Variants in GRIP1 observed in about 807,000 individuals in gnomAD.
GRIP1 encodes the protein glutamate receptor-interacting protein 1.
In GRIP1, 45 loss-of-function variants were observed where a neutral mutation model predicts 129.9. The ratio of observed to expected loss-of-function variants is 0.35; its 90% CI spans 0.27 to 0.44. GRIP1 has a LOEUF of 0.44. Ranked by LOEUF, GRIP1 falls within the 20% of genes least tolerant of loss-of-function variation. The pLI is 1.00. For missense variants in GRIP1, 1,196 were observed against 1,396.8 expected, an observed-to-expected ratio of 0.86 and a Z score of 2.29; for synonymous variants, 530 against 520.8, an observed-to-expected ratio of 1.02 and a Z score of -0.24.
intron 19 of GRIP1, among the ~76,000 whole-genome samples, chr12:66,388,488 T>C (rs997923299): frequency 6.6e-6 from 1 of 152,194 alleles, no homozygotes; most frequent in Non-Finnish European, 1.5e-5. Flanking sequence ...TCCTCTTGTA[T>C]TGACCTTTGC....
chr12:66,424,569 C>T (rs190445267), intron 14 of GRIP1, among the ~76,000 whole-genome samples: 233 of 152,258 alleles, frequency 1.5e-3, no homozygotes, highest in African/African-American at 5.3e-3. Flanking sequence ...TCTTGTCCCC[C>T]CATTTTCCCA....
chr12:66,583,703 G>A (rs1441780540), intron 2 of GRIP1, among the ~76,000 whole-genome samples: 160 of 125,582 alleles, frequency 1.3e-3, no homozygotes, highest in Middle Eastern at 7.8e-3. Context: ...CAAAACCACA[G>A]TGATATACCA....
At chr12:66,516,058 A>C (rs972807021) in intron 6 of GRIP1, among the ~76,000 whole-genome samples, 4 of 152,134 alleles carry the variant, frequency 2.6e-5, no homozygotes, top group African/African-American at 9.7e-5. Context: ...CCCTTTTTCT[A>C]GGTTTTTGCC....
intron 1 of GRIP1, among the ~76,000 whole-genome samples, chr12:66,987,711 G>T (rs2042332782): frequency 6.6e-6 from 1 of 152,174 alleles, no homozygotes; most frequent in Non-Finnish European, 1.5e-5. Flanking sequence ...CATTAAGAGA[G>T]TCATAAGGCC....
At chr12:66,790,429 G>C (rs1351317234) in intron 1 of GRIP1, among the ~76,000 whole-genome samples, 1 of 152,108 alleles carries the variant, frequency 6.6e-6, no homozygotes, top group South Asian at 2.1e-4. Context: ...TTTAAAGTTG[G>C]AGATAGATCT....
rs765557975 is a variant in GRIP1 at position 66,785,305 on chromosome 12, AACATACATACATACATACAT to A, written c.-420+18728_-420+18747del. Among the ~76,000 whole-genome samples, 35 of 103,968 alleles carry A rather than the reference AACATACATACATACATACAT, an allele frequency of 3.4e-4. 2 individuals carry two copies. The highest frequency in any genetic ancestry group is 3.0e-3 in the East Asian group (11 of 3,678). 68.2% of individuals were successfully genotyped at this position (103,968 alleles called of 152,430 possible). A position where few individuals can be genotyped will look rare whatever the true frequency, so the allele number is the denominator to read the frequency against. On this transcript the variant is annotated intron_variant, in intron 1 of 4. Coordinates refer to the GRIP1 transcript ENST00000538373. The stretch of plus-strand genomic sequence containing the variant: ...GAAACCCTGACTCTTCCAAGAATTT[AACATACATACATACATACAT>A]ACATACATACATACATACATATATA...
chr12:66,539,338 C>A, intron 3 of GRIP1, 115 bp from the exon 4 acceptor site: 1 of 1,383,336 alleles, frequency 7.2e-7, no homozygotes, highest in Non-Finnish European at 1.0e-6. Flanking sequence ...GCCTAGAAGG[C>A]TGACAGCAGA....
chr12:66,786,765 G>A (rs1674579982), intron 1 of GRIP1, among the ~76,000 whole-genome samples: 2 of 152,198 alleles, frequency 1.3e-5, no homozygotes, highest in African/African-American at 2.4e-5. Flanking sequence ...TCATTATCGA[G>A]AGGAGCCTTG....
intron 19 of GRIP1, among the ~76,000 whole-genome samples, chr12:66,390,847 T>TGGCA (rs2056557499): frequency 6.6e-6 from 1 of 152,224 alleles, no homozygotes; most frequent in Admixed American, 6.5e-5. Context: ...AGAAGGTCTG[T>TGGCA]TATTTGGTGG....
At chr12:67,060,004 C>T (rs947748542) in intron 1 of GRIP1, among the ~76,000 whole-genome samples, 3 of 152,144 alleles carry the variant, frequency 2.0e-5, no homozygotes, top group African/African-American at 7.2e-5. Context: ...GTGAGTTTCA[C>T]CCTGAGCATG....
chr12:66,491,277 G>A (rs1305979355), intron 7 of GRIP1, among the ~76,000 whole-genome samples: 2 of 152,182 alleles, frequency 1.3e-5, no homozygotes, highest in African/African-American at 2.4e-5. Flanking sequence ...AGAATACTAT[G>A]CAGCCATATA....
At chr12:67,007,855 C>T (rs149580527) in intron 1 of GRIP1, among the ~76,000 whole-genome samples, 101 of 152,246 alleles carry the variant, frequency 6.6e-4, no homozygotes, top group African/African-American at 2.3e-3. Context: ...TTAAATTTTA[C>T]AAACAGCTGT....
At chr12:66,923,103 T>G (rs1461986820) in intron 1 of GRIP1, among the ~76,000 whole-genome samples, 1 of 152,188 alleles carries the variant, frequency 6.6e-6, no homozygotes, top group African/African-American at 2.4e-5. Flanking sequence ...CTATCTTAAA[T>G]GACTAGTAGC....
At chr12:66,774,103 A>G (rs1365882112) in intron 1 of GRIP1, among the ~76,000 whole-genome samples, 1 of 152,150 alleles carries the variant, frequency 6.6e-6, no homozygotes. Context: ...TGAGATATTG[A>G]CCTGTAGTAG....
intron 1 of GRIP1, among the ~76,000 whole-genome samples, chr12:67,057,434 CGT>C (rs1491113708): frequency 4.4e-5 from 4 of 91,948 alleles, no homozygotes; most frequent in Non-Finnish European, 9.4e-5. Flanking sequence ...CCTCCAAGAA[CGT>C]AAAAAAAAAA....
At chr12:66,981,623 T>A (rs973881082) in intron 1 of GRIP1, among the ~76,000 whole-genome samples, 2 of 152,132 alleles carry the variant, frequency 1.3e-5, no homozygotes, top group African/African-American at 4.8e-5. Flanking sequence ...AAAGAAAAAA[T>A]TTAGCTTTAC....
chr12:66,794,212 C>T (rs955906253), intron 1 of GRIP1, among the ~76,000 whole-genome samples: 10 of 152,220 alleles, frequency 6.6e-5, no homozygotes, highest in African/African-American at 2.4e-4. Context: ...GTATGGTTTT[C>T]TAAACTTCCT....
At position 66,990,977 on chromosome 12, in the gene GRIP1, CA is replaced by C. The variant is rs373022223; in HGVS notation, c.58+78072del. On this transcript the variant is annotated intron_variant, in intron 1 of 1. Coordinates refer to the GRIP1 transcript ENST00000643019. ...GGGCAACAAGAGCTAAACTCCGTCGCAAAAAAAAAAAAAAGAAAGAAAAAAG... is the reference window on the plus strand; with the variant it reads ...GGGCAACAAGAGCTAAACTCCGTCGCAAAAAAAAAAAAAGAAAGAAAAAAG... Among the ~76,000 whole-genome samples the C allele has an allele frequency of 2.6e-3, 264 of 102,498 alleles. 1 individual carries two copies. The highest frequency in any genetic ancestry group is 2.5e-3 in the African/African-American group (72 of 29,386). 67.2% of individuals were successfully genotyped at this position (102,498 alleles called of 152,430 possible). A position where few individuals can be genotyped will look rare whatever the true frequency, so the allele number is the denominator to read the frequency against.
At chr12:67,015,595 A>G (rs544970089) in intron 1 of GRIP1, among the ~76,000 whole-genome samples, 1 of 152,272 alleles carries the variant, frequency 6.6e-6, no homozygotes, top group African/African-American at 2.4e-5. Context: ...AAATGGAGAG[A>G]GTGAGGAGGG....
Sources: gnomAD v4.1 joint callset for allele counts (sites outside exome capture counted in the v4.1 genomes callset) on GRCh38, gnomAD v4.1.1 for gene constraint, MANE v1.5 for transcripts, NCBI Gene and HGNC (gene_info 2026-07-23, HGNC 2026-07-21) for gene names.